PARP15: variants seen among roughly 807,000 people sequenced by gnomAD.
The protein encoded by PARP15 is protein mono-ADP-ribosyltransferase PARP15.
In PARP15, 50 loss-of-function variants were observed where a neutral mutation model predicts 62.1. The observed-to-expected ratio is 0.81, with a 90% CI of 0.64 to 1.02. The LOEUF (loss-of-function observed/expected upper bound fraction) is 1.02. Ranked by LOEUF, PARP15 falls within the 50% of genes least tolerant of loss-of-function variation. The probability of loss-of-function intolerance (pLI) is 0.00; values close to 1 mark genes in which losing one functional copy is unlikely to be tolerated. For missense variants in PARP15, 820 were observed against 826.5 expected, an observed-to-expected ratio of 0.99 and a Z score of 0.10; for synonymous variants, 309 against 293.1, an observed-to-expected ratio of 1.05 and a Z score of -0.55.
chr3:122,632,628 G>C (rs1014378889), intron 10 of PARP15, among the ~76,000 whole-genome samples: 1 of 152,188 alleles, frequency 6.6e-6, no homozygotes, highest in African/African-American at 2.4e-5. Context: ...CTCTCCTTGT[G>C]GTTGTTGGAT....
intron 4 of PARP15, among the ~76,000 whole-genome samples, 156 bp downstream of exon 4, chr3:122,613,424 C>T (rs1031406808): frequency 6.6e-6 from 1 of 152,164 alleles, no homozygotes; most frequent in African/African-American, 2.4e-5. Flanking sequence ...TATGAGCCAA[C>T]ACTGATAACT....
At chr3:122,580,043 G>A (rs1359771799) in intron 1 of PARP15, among the ~76,000 whole-genome samples, 42 of 119,080 alleles carry the variant, frequency 3.5e-4, no homozygotes, top group Admixed American at 1.1e-3. Context: ...ATATGCACGC[G>A]CGCACACACA....
At position 122,615,963 on chromosome 3, in the gene PARP15, C is replaced by A. The variant is rs1234727973; in HGVS notation, c.850+106C>A. 6 of 1,106,442 alleles carry A rather than the reference C, an allele frequency of 5.4e-6. No homozygotes were observed. In the East Asian group the frequency reaches 1.5e-4, roughly 28 times the overall value. 68.5% of individuals were successfully genotyped at this position (1,106,442 alleles called of 1,614,324 possible). On this transcript the variant is annotated intron_variant, in intron 5 of 11. Transcript: ENST00000464300. ...AGGCAAAGCTAATTCACATGAAGAA[C>A]AAATCTGTGATGGGGGAGGTGTTAG...
At chr3:122,616,415 C>G (rs982176196) in intron 5 of PARP15, among the ~76,000 whole-genome samples, 2 of 151,232 alleles carry the variant, frequency 1.3e-5, no homozygotes, top group African/African-American at 2.4e-5. Flanking sequence ...CTACAAACCC[C>G]GCCTCCTGGG....
intron 8 of PARP15, among the ~76,000 whole-genome samples, chr3:122,625,014 T>C (rs1212453412): frequency 6.6e-6 from 1 of 152,132 alleles, no homozygotes; most frequent in African/African-American, 2.4e-5. Flanking sequence ...ATTACTTTTT[T>C]TTTTTACTAT....
At chr3:122,592,781 A>AG (rs1376166724) in intron 1 of PARP15, among the ~76,000 whole-genome samples, 1 of 152,188 alleles carries the variant, frequency 6.6e-6, no homozygotes, top group East Asian at 1.9e-4. Flanking sequence ...TAAGGCATAG[A>AG]GAAGTTAAAT....
At chr3:122,630,786 G>A (rs1297713321) in intron 9 of PARP15, among the ~76,000 whole-genome samples, 1 of 152,060 alleles carries the variant, frequency 6.6e-6, no homozygotes, top group Non-Finnish European at 1.5e-5. Context: ...CAAAAGACTT[G>A]GCATTTCCTA....
chr3:122,600,531 T>A lies in PARP15; in HGVS notation c.187-5405T>A, dbSNP rs140130457. On this transcript the variant is annotated intron_variant, in intron 1 of 11. Coordinates refer to ENST00000464300, the MANE Select transcript of PARP15 (RefSeq NM_001113523.3). ...CTCTTGCATTCCACCCCACTCATTA[T>A]CTCTACTCCTGCAAGTTAAAGATTC... Among the ~76,000 whole-genome samples, 1,289 of 152,242 alleles carry A rather than the reference T, an allele frequency of 8.5e-3. 21 individuals are homozygous for A. The highest frequency in any genetic ancestry group is 0.028 in the African/African-American group (1,165 of 41,546).
intron 9 of PARP15, among the ~76,000 whole-genome samples, chr3:122,627,428 G>C (rs1936806625): frequency 6.6e-6 from 1 of 152,168 alleles, no homozygotes; most frequent in Admixed American, 6.5e-5. Context: ...ATGTTAGCCT[G>C]GAATAGAATC....
intron 1 of PARP15, among the ~76,000 whole-genome samples, chr3:122,579,999 G>GTATATATGTATATATATATATA (rs1553725410): frequency 9.3e-5 from 6 of 64,456 alleles, no homozygotes; most frequent in South Asian, 6.2e-4. Context: ...GCAACTATAT[G>GTATATATGTATATATATATATA]TATATATATA....
At chr3:122,631,187 A>T (rs999710041) in intron 9 of PARP15, among the ~76,000 whole-genome samples, 3 of 152,246 alleles carry the variant, frequency 2.0e-5, no homozygotes, top group African/African-American at 7.2e-5. Context: ...CAGTGGGGAA[A>T]GGAAGGAATG....
intron 7 of PARP15, among the ~76,000 whole-genome samples, chr3:122,620,175 T>G (rs1936249637): frequency 6.6e-6 from 1 of 152,202 alleles, no homozygotes; most frequent in South Asian, 2.1e-4. Context: ...GTAGGAAAGT[T>G]CTACTAATAA....
rs548181994 is a variant in PARP15 at position 122,600,153 on chromosome 3, C to T, written c.187-5783C>T. Among the ~76,000 whole-genome samples, 165 of 152,188 alleles carry T rather than the reference C, an allele frequency of 1.1e-3. 1 individual carries two copies. The highest frequency in any genetic ancestry group is 3.8e-3 in the African/African-American group (157 of 41,506). The stretch of plus-strand genomic sequence containing the variant: ...ATTTCACTCTTTCATTTTCACTGTC[C>T]TTCATTGCTATCACCTCTGACATAA... On this transcript the variant is annotated intron_variant, in intron 1 of 11. Coordinates refer to ENST00000464300, the MANE Select transcript of PARP15 (RefSeq NM_001113523.3).
chr3:122,610,777 T>G, intron 3 of PARP15, 47 bp downstream of exon 3: 1 of 1,442,078 alleles, frequency 6.9e-7, no homozygotes. Flanking sequence ...GCTTTGGGAA[T>G]CTCCTTCTGG....
intron 1 of PARP15, chr3:122,594,396 T>C (rs914768469): frequency 3.3e-6 from 1 of 307,668 alleles, no homozygotes; most frequent in African/African-American, 2.2e-5. Context: ...ATAAATCAGA[T>C]TGAGAAAACA....
chr3:122,635,912 G>GT lies in PARP15; in HGVS notation c.1851dup (p.Val618CysfsTer31). The GT allele has an allele frequency of 6.2e-7, 1 of 1,614,114 alleles. No homozygotes were observed. Among genetic ancestry groups the GT allele is most frequent in the Non-Finnish European group, 8.5e-7 (1 of 1,179,990 alleles). On this transcript the variant is annotated frameshift_variant, in exon 12 of 12. Coordinates refer to ENST00000464300, the MANE Select transcript of PARP15 (RefSeq NM_001113523.3). LOFTEE classifies it low-confidence loss of function (END_TRUNC). Reference sequence around the variant, plus strand: ...CAGCAATGGGAGAAAGCACATGTACGTTGTGCGAGTACTTACTGGAGTCTT... The same window carrying GT: ...CAGCAATGGGAGAAAGCACATGTACGTTTGTGCGAGTACTTACTGGAGTCTT...
chr3:122,615,166 T>C, intron 4 of PARP15: 2 of 1,208,278 alleles, frequency 1.7e-6, no homozygotes, highest in Non-Finnish European at 2.1e-6. Context: ...AACTCTACTC[T>C]GTCGCCCATT....
At chr3:122,589,541 A>G (rs1933706158) in intron 1 of PARP15, among the ~76,000 whole-genome samples, 1 of 152,200 alleles carries the variant, frequency 6.6e-6, no homozygotes, top group Non-Finnish European at 1.5e-5. Context: ...TATTTCCACC[A>G]GCAATGTGTC....
In PARP15 at chr3:122,601,036, G is replaced by GTTTTTTTTTTTTTTTTTTTTT. The variant is rs771581231; in HGVS notation, c.187-4897_187-4877dup. 6.2e-4 allele frequency among the ~76,000 whole-genome samples: 45 copies of GTTTTTTTTTTTTTTTTTTTTT among 73,028 alleles called. 7 individuals carry two copies. The highest frequency in any genetic ancestry group is 2.0e-3 in the African/African-American group (24 of 12,164). 47.9% of individuals were successfully genotyped at this position (73,028 alleles called of 152,430 possible). The stretch of plus-strand genomic sequence containing the variant: ...CATTGGTTTTTGTTTGTCTTTTATG[G>GTTTTTTTTTTTTTTTTTTTTT]TTTTTTTTTTTTTTTTTTTTTTTGA... On this transcript the variant is annotated intron_variant, in intron 1 of 11. Transcript: ENST00000464300.
Sources: allele counts gnomAD v4.1 joint callset (sites outside exome capture counted in the v4.1 genomes callset), GRCh38; gene constraint gnomAD v4.1.1; transcripts MANE v1.5; gene names NCBI Gene and HGNC (gene_info 2026-07-23, HGNC 2026-07-21).